The following NPAS3 variants were observed in gnomAD, a reference collection of about 807,000 sequenced individuals.
The protein encoded by NPAS3 is neuronal PAS domain-containing protein 3.
NPAS3 carries 14 observed loss-of-function variants against 73.1 expected under a neutral mutation model. The observed-to-expected ratio is 0.19, with a 90% CI of 0.13 to 0.30. The LOEUF (loss-of-function observed/expected upper bound fraction) is 0.30. NPAS3 is among the 10% of genes least tolerant of loss of function. NPAS3 has a pLI of 1.00. For synonymous variants in NPAS3, 620 were observed against 541.5 expected (o/e 1.14, Z -2.01); for missense variants, 1,096 against 1,250.0 (o/e 0.88, Z 1.86).
At chr14:33,741,806 T>C (rs1218721696) in intron 7 of NPAS3, among the ~76,000 whole-genome samples, 1 of 152,172 alleles carries the variant, frequency 6.6e-6, no homozygotes, top group Non-Finnish European at 1.5e-5. Flanking sequence ...CATTTTCCGC[T>C]ACAGAGATTT....
chr14:33,212,590 G>C (rs2047078835), intron 2 of NPAS3, among the ~76,000 whole-genome samples: 1 of 152,186 alleles, frequency 6.6e-6, no homozygotes, highest in Non-Finnish European at 1.5e-5. Flanking sequence ...TGAATGGATA[G>C]AGAAAAGCCA....
chr14:33,137,786 G>GT (rs1364756580), intron 2 of NPAS3, among the ~76,000 whole-genome samples: 4 of 152,232 alleles, frequency 2.6e-5, no homozygotes, highest in Non-Finnish European at 4.4e-5. Context: ...AAATATATGT[G>GT]TTTCTAGAGC....
intron 9 of NPAS3, among the ~76,000 whole-genome samples, chr14:33,785,888 C>T (rs1595611882): frequency 1.3e-5 from 2 of 152,278 alleles, no homozygotes; most frequent in East Asian, 3.9e-4. Flanking sequence ...AGATAGCATC[C>T]CCATCATCAG....
chr14:33,537,896 T>C (rs1043777845), intron 4 of NPAS3, among the ~76,000 whole-genome samples: 1 of 152,148 alleles, frequency 6.6e-6, no homozygotes, highest in Non-Finnish European at 1.5e-5. Flanking sequence ...CTGCTCGCCT[T>C]GACGATCTGA....
At chr14:33,440,893 C>CAA (rs781720910) in intron 4 of NPAS3, among the ~76,000 whole-genome samples, 5 of 131,516 alleles carry the variant, frequency 3.8e-5, no homozygotes, top group Non-Finnish European at 6.5e-5. Flanking sequence ...AACTCCATCT[C>CAA]AAAAAAAAAA....
chr14:33,691,096 A>G (rs2060224248), intron 6 of NPAS3, among the ~76,000 whole-genome samples: 1 of 152,248 alleles, frequency 6.6e-6, no homozygotes, highest in Non-Finnish European at 1.5e-5. Flanking sequence ...TTTGATAAGC[A>G]CATTTTAAAA....
chr14:33,610,765 C>T (rs1237960752), intron 5 of NPAS3, among the ~76,000 whole-genome samples: 1 of 152,144 alleles, frequency 6.6e-6, no homozygotes, highest in East Asian at 1.9e-4. Context: ...GTTAGTGACT[C>T]TGAAGCTGAA....
chr14:33,026,587 T>C (rs2039810685), intron 1 of NPAS3, among the ~76,000 whole-genome samples: 1 of 152,084 alleles, frequency 6.6e-6, no homozygotes, highest in African/African-American at 2.4e-5. Flanking sequence ...TGGTTTCTCA[T>C]ATTTTATGGA....
At chr14:33,076,154 A>G (rs1012204789) in intron 2 of NPAS3, among the ~76,000 whole-genome samples, 1 of 152,194 alleles carries the variant, frequency 6.6e-6, no homozygotes, top group Admixed American at 6.5e-5. Context: ...TTTATGCTCA[A>G]ATTTATAATA....
At chr14:33,779,942 A>T (rs2062928718) in intron 9 of NPAS3, among the ~76,000 whole-genome samples, 1 of 152,150 alleles carries the variant, frequency 6.6e-6, no homozygotes, top group African/African-American at 2.4e-5. Context: ...CCCCTTTCTT[A>T]TCTTGGTCAA....
At chr14:33,000,233 C>T (rs941687317) in intron 1 of NPAS3, among the ~76,000 whole-genome samples, 9 of 152,006 alleles carry the variant, frequency 5.9e-5, no homozygotes, top group African/African-American at 2.2e-4. Context: ...TAATTTTGAT[C>T]AGTTTGAACT....
intron 5 of NPAS3, among the ~76,000 whole-genome samples, chr14:33,593,044 C>T (rs73270988): frequency 6.5e-4 from 99 of 152,168 alleles, no homozygotes; most frequent in African/African-American, 2.3e-3. Context: ...TTGCATACCC[C>T]ATTTATAGTA....
At chr14:33,249,913 C>CACAT (rs1394158770) in intron 3 of NPAS3, among the ~76,000 whole-genome samples, 2 of 151,362 alleles carry the variant, frequency 1.3e-5, no homozygotes, top group African/African-American at 4.9e-5. Context: ...GTCATACACA[C>CACAT]ACACACACAC....
chr14:33,501,788 T>C (rs1341307368), intron 4 of NPAS3, among the ~76,000 whole-genome samples: 1 of 151,880 alleles, frequency 6.6e-6, no homozygotes, highest in African/African-American at 2.4e-5. Context: ...CTTTAAGAGA[T>C]CTGATGTTGA....
chr14:33,414,382 G>A (rs979947831), intron 4 of NPAS3, among the ~76,000 whole-genome samples: 2 of 151,894 alleles, frequency 1.3e-5, no homozygotes, highest in Non-Finnish European at 2.9e-5. Context: ...GTCATTGGGC[G>A]TCTCTGTGAG....
At chr14:33,543,012 C>T (rs745682192) in intron 4 of NPAS3, among the ~76,000 whole-genome samples, 24 of 152,204 alleles carry the variant, frequency 1.6e-4, no homozygotes, top group Admixed American at 2.6e-4. Flanking sequence ...CCCCATCACC[C>T]CCAGACATGC....
At chr14:33,680,648 C>A (rs1191733021) in intron 6 of NPAS3, 1 of 702,758 alleles carries the variant, frequency 1.4e-6, no homozygotes, top group Non-Finnish European at 2.6e-6. Flanking sequence ...CTGTAGGACC[C>A]CTGTCAGGAA....
chr14:33,728,263 G>A (rs2061321514), intron 6 of NPAS3, among the ~76,000 whole-genome samples: 1 of 152,186 alleles, frequency 6.6e-6, no homozygotes, highest in South Asian at 2.1e-4. Flanking sequence ...AGTTTATGGT[G>A]ACAGGTGGCA....
At chr14:33,129,591 T>C (rs1325638182) in intron 2 of NPAS3, among the ~76,000 whole-genome samples, 1 of 152,194 alleles carries the variant, frequency 6.6e-6, no homozygotes, top group Non-Finnish European at 1.5e-5. Context: ...GGATAGTTTG[T>C]ATCTTCCACA....
Sources: gnomAD v4.1 joint callset for allele counts (sites outside exome capture counted in the v4.1 genomes callset) on GRCh38, gnomAD v4.1.1 for gene constraint, MANE v1.5 for transcripts, NCBI Gene and HGNC (gene_info 2026-07-23, HGNC 2026-07-21) for gene names.